The following CIZ1 variants were observed in gnomAD, a reference collection of about 807,000 sequenced individuals.
CIZ1 encodes the protein CDKN1A interacting zinc finger protein 1.
Under a neutral mutation model 118.6 loss-of-function variants are expected in CIZ1, and 58 were observed. The ratio of observed to expected loss-of-function variants is 0.49; its 90% CI spans 0.40 to 0.61. The LOEUF is 0.61. CIZ1 is among the 20% of genes least tolerant of loss of function. The pLI is 0.00. For missense variants in CIZ1, 921 were observed against 1,115.9 expected, an observed-to-expected ratio of 0.83 and a Z score of 2.49; for synonymous variants, 448 against 443.4, an observed-to-expected ratio of 1.01 and a Z score of -0.13.
chr9:128,182,656 C>G (rs1831824692), intron 5 of CIZ1, among the ~76,000 whole-genome samples: 1 of 152,222 alleles, frequency 6.6e-6, no homozygotes, highest in South Asian at 2.1e-4. Context: ...TTGGCCTTCT[C>G]TCTGGTCAAG....
intron 3 of CIZ1, among the ~76,000 whole-genome samples, chr9:128,189,937 G>A (rs536754511): frequency 6.6e-6 from 1 of 151,682 alleles, no homozygotes; most frequent in Non-Finnish European, 1.5e-5. Context: ...TTAATGCACA[G>A]GGCTAGAGAC....
Position 128,191,541 on chromosome 9 carries a change from C to G in CIZ1, c.-115G>C. The G allele has an allele frequency of 2.9e-6, 3 of 1,041,748 alleles. No individual in the cohort carries two copies. The highest frequency in any genetic ancestry group is 9.1e-5 in the South Asian group (2 of 21,896). 64.5% of individuals were successfully genotyped at this position (1,041,748 alleles called of 1,614,324 possible). On this transcript the variant is annotated 5_prime_UTR_variant, in exon 1 of 17. Coordinates refer to ENST00000372938, the MANE Select transcript of CIZ1 (RefSeq NM_001131016.2). This position sits in a 1 kb window ranked among gnomAD's most constrained non-coding sequence, Gnocchi z 5.5. ...CCGGCCCGCGGGCTCCCGGCCTCCC[C>G]GCTGCTACTCCGGGGCCTGTGGGCT...
upstream of CIZ1, among the ~76,000 whole-genome samples, chr9:128,195,041 T>C (rs1177850442): frequency 6.6e-6 from 1 of 152,084 alleles, no homozygotes; most frequent in Admixed American, 6.5e-5. Context: ...GGGCTGGTCT[T>C]GAACTCATAG....
chr9:128,175,718 T>G (rs1057196238), intron 11 of CIZ1, among the ~76,000 whole-genome samples: 5 of 152,222 alleles, frequency 3.3e-5, no homozygotes, highest in Non-Finnish European at 7.3e-5. Context: ...TTCTGGATTC[T>G]TCTTAAAACT....
chr9:128,192,021 G>A (rs1268440749), upstream of CIZ1: 2 of 882,442 alleles, frequency 2.3e-6, no homozygotes, highest in African/African-American at 3.5e-5. Flanking sequence ...GGGGTGGAGG[G>A]AGAGTCCCCC....
At chr9:128,191,763 G>T, upstream of CIZ1, 1 of 1,407,190 alleles carries the variant, frequency 7.1e-7, no homozygotes, top group Non-Finnish European at 9.3e-7. This position sits in a 1 kb window ranked among gnomAD's most constrained non-coding sequence, Gnocchi z 5.5. Flanking sequence ...ATCGCGAAGG[G>T]GAGGCTCGGA....
Position 128,168,976 on chromosome 9 carries a change from C to G in CIZ1, c.2295+76G>C. On this transcript the variant is annotated intron_variant, in intron 14 of 16. Coordinates refer to ENST00000372938, the MANE Select transcript of CIZ1 (RefSeq NM_001131016.2). ...CAGATGCCAGCCCAGTGTCTGGCCT[C>G]CGGGAGGTGGGATGAGGTCTGTCCT... 7.5e-6 allele frequency: 12 copies of G among 1,594,940 alleles called. No homozygotes were observed. The South Asian group carries it at 1.4e-4, about 18-fold the overall frequency.
At position 128,191,560 on chromosome 9, in the gene CIZ1, G is replaced by C. The variant is rs1051581673; in HGVS notation, c.-134C>G. On this transcript the variant is annotated 5_prime_UTR_variant, in exon 1 of 17. Transcript: ENST00000372938. This position sits in a 1 kb window ranked among gnomAD's most constrained non-coding sequence, Gnocchi z 5.5. ...CCTCCCCGCTGCTACTCCGGGGCCT[G>C]TGGGCTCGTAAGGCCCAAATGCGGG... 3.7e-6 allele frequency: 4 copies of C among 1,086,048 alleles called. No homozygotes were observed. Among genetic ancestry groups the C allele is most frequent in the Non-Finnish European group, 4.5e-6 (4 of 894,802 alleles). 67.3% of individuals were successfully genotyped at this position (1,086,048 alleles called of 1,614,324 possible).
At position 128,166,806 on chromosome 9, in the gene CIZ1, C is replaced by T. The variant is rs746759360; in HGVS notation, c.2440G>A (p.Ala814Thr). 1.9e-6 allele frequency: 3 copies of T among 1,614,188 alleles called. No individual in the cohort carries two copies. Among genetic ancestry groups the T allele is most frequent in the Non-Finnish European group, 2.5e-6 (3 of 1,180,012 alleles). Reference sequence around the variant, plus strand: ...AGGGACTTGCAGTGGGAGAGCTGTGCCCCTGAGTTGCTGTGATAGAACTTG... The same window carrying T: ...AGGGACTTGCAGTGGGAGAGCTGTGTCCCTGAGTTGCTGTGATAGAACTTG... ...CHKFYHSNSGAQLSHCKSLGH... is the reference protein window; with the variant it reads ...CHKFYHSNSGTQLSHCKSLGH... Residue 814 changes from alanine to threonine, a missense_variant, in exon 16 of 17, where the codon GCA (alanine) becomes ACA (threonine). By Grantham distance (58) the Ala-to-Thr change is moderately conservative (BLOSUM62 0). Transcript: ENST00000372938. The surrounding 1 kb of genome is among the most constrained non-coding windows in gnomAD (Gnocchi z 4.4).
intron 5 of CIZ1, among the ~76,000 whole-genome samples, chr9:128,182,935 A>AATTGTGGAGC (rs2130981011): frequency 6.6e-6 from 1 of 152,006 alleles, no homozygotes; most frequent in South Asian, 2.1e-4. Context: ...CCACAGTCTT[A>AATTGTGGAGC]ATTAATTGGT....
chr9:128,167,872 T>G (rs1829626318), intron 14 of CIZ1, among the ~76,000 whole-genome samples: 1 of 152,222 alleles, frequency 6.6e-6, no homozygotes, highest in Non-Finnish European at 1.5e-5. Flanking sequence ...CTGTGGGCCC[T>G]GGGCTTCCCT....
intron 1 of CIZ1, among the ~76,000 whole-genome samples, chr9:128,202,257 T>G (rs1208355667): frequency 6.6e-6 from 1 of 152,214 alleles, no homozygotes; most frequent in Non-Finnish European, 1.5e-5. Context: ...CGACTCCCCA[T>G]GAGCACAGTG....
At position 128,191,123 on chromosome 9, in the gene CIZ1, C is replaced by T. The variant is rs1003474367; in HGVS notation, c.-5-261G>A. Among the ~76,000 whole-genome samples the T allele has an allele frequency of 3.3e-5, 5 of 152,112 alleles. No homozygotes were observed. The highest frequency in any genetic ancestry group is 4.8e-5 in the African/African-American group (2 of 41,416). On this transcript the variant is annotated intron_variant, in intron 1 of 16. Transcript: ENST00000372938. This position sits in a 1 kb window ranked among gnomAD's most constrained non-coding sequence, Gnocchi z 5.5. Reference sequence around the variant, plus strand: ...CTGCCAACAGCCCCTCCTTCAAGTCCCTCCATCTCTCCATTTCTGGCGGCT... The same window carrying T: ...CTGCCAACAGCCCCTCCTTCAAGTCTCTCCATCTCTCCATTTCTGGCGGCT...
In CIZ1 at chr9:128,180,538, T is replaced by A; in HGVS notation, c.683-15A>T. ...TAAATCTTGGTCTGGAATGGAGGCA[T>A]GAGCGAGGGAACTCATGTTGGGAAG... On this transcript the variant is annotated splice_polypyrimidine_tract_variant and intron_variant, in intron 6 of 16. Transcript: ENST00000372938. 1 of 1,603,946 alleles carries A rather than the reference T, an allele frequency of 6.2e-7. No individual in the cohort carries two copies. Among genetic ancestry groups the A allele is most frequent in the Non-Finnish European group, 8.5e-7 (1 of 1,170,836 alleles).
chr9:128,190,842 G>A lies in CIZ1; in HGVS notation c.16C>T (p.Gln6Ter). 1 of 1,543,310 alleles carries A rather than the reference G, an allele frequency of 6.5e-7. No individual in the cohort carries two copies. The highest frequency in any genetic ancestry group is 1.2e-5 in the South Asian group (1 of 83,916). Residue 6 changes from glutamine to a stop codon, truncating the protein, a stop_gained, in exon 2 of 17, where the codon CAG (glutamine) becomes TAG (stop). Coordinates refer to ENST00000372938, the MANE Select transcript of CIZ1 (RefSeq NM_001131016.2). LOFTEE classifies it high-confidence loss of function. MFSQQ[Q>*]QQQLQQQQQQ... is the part of the protein sequence containing the mutation. ...TGCTGTTGCTGGAGCTGCTGCTGCT[G>A]CTGCTGGCTGAACATGGTGGCTAGG...
upstream of CIZ1, among the ~76,000 whole-genome samples, chr9:128,194,670 T>G (rs534201905): frequency 6.6e-6 from 1 of 151,710 alleles, no homozygotes; most frequent in Admixed American, 6.6e-5. Flanking sequence ...TACAAAAAAT[T>G]AGCTGGGCCT....
chr9:128,184,344 C>T (rs1210163857), intron 5 of CIZ1, among the ~76,000 whole-genome samples: 1 of 151,840 alleles, frequency 6.6e-6, no homozygotes, highest in Non-Finnish European at 1.5e-5. Flanking sequence ...GATGACAGGT[C>T]GAAATGATAA....
upstream of CIZ1, among the ~76,000 whole-genome samples, chr9:128,195,444 A>T (rs543374151): frequency 6.6e-6 from 1 of 152,240 alleles, no homozygotes; most frequent in African/African-American, 2.4e-5. Flanking sequence ...CAGCATCCTG[A>T]GTAGCTGAGA....
chr9:128,193,139 A>G (rs1197603874), upstream of CIZ1, among the ~76,000 whole-genome samples: 1 of 152,186 alleles, frequency 6.6e-6, no homozygotes, highest in Non-Finnish European at 1.5e-5. Context: ...TAGTCGTGGA[A>G]GAGCTAGGAC....
Sources: gnomAD v4.1 joint callset for allele counts (sites outside exome capture counted in the v4.1 genomes callset) on GRCh38, gnomAD v4.1.1 for gene constraint, Gnocchi (gnomAD v3.1) non-coding constraint, MANE v1.5 for transcripts, NCBI Gene and HGNC (gene_info 2026-07-23, HGNC 2026-07-21) for gene names.